The following GRIA3 variants were observed in gnomAD, a reference collection of about 807,000 sequenced individuals.
GRIA3 encodes the protein glutamate receptor 3.
A neutral mutation model predicts 63.0 loss-of-function variants in GRIA3; 3 were observed. That is an observed-to-expected ratio of 0.05 (90% CI 0.02 to 0.12). The LOEUF (loss-of-function observed/expected upper bound fraction) is 0.12. Ranked by LOEUF, GRIA3 falls within the 10% of genes least tolerant of loss-of-function variation. The pLI, the probability that GRIA3 is intolerant of heterozygous loss-of-function variation, is 1.00. For missense variants in GRIA3, 347 were observed against 700.9 expected, an observed-to-expected ratio of 0.50 and a Z score of 5.70; for synonymous variants, 274 against 257.9, an observed-to-expected ratio of 1.06 and a Z score of -0.60.
At chrX:123,280,732 G>C (rs2044581238) in intron 3 of GRIA3, among the ~76,000 whole-genome samples, 1 of 112,146 alleles carries the variant, frequency 8.9e-6, no homozygotes. Context: ...CTATACATGA[G>C]CTGAGTTCTG....
chrX:123,422,813 C>A (rs1304913148), intron 11 of GRIA3, among the ~76,000 whole-genome samples: 1 of 112,203 alleles, frequency 8.9e-6, no homozygotes, highest in African/African-American at 3.2e-5. Flanking sequence ...TCCTAAAACT[C>A]CTTGGGAATA....
chrX:123,288,607 G>T (rs183393829), intron 3 of GRIA3, among the ~76,000 whole-genome samples: 97 of 111,216 alleles, frequency 8.7e-4, no homozygotes, highest in African/African-American at 2.9e-3. Context: ...GTGGGCAAAG[G>T]ATATGAACAG....
At chrX:123,453,374 C>G (rs1238375623) in intron 12 of GRIA3, among the ~76,000 whole-genome samples, 1 of 108,443 alleles carries the variant, frequency 9.2e-6, no homozygotes, top group African/African-American at 3.4e-5. Context: ...GGGAACATCA[C>G]ACACCGGGGC....
At chrX:123,291,459 G>A (rs1331527427) in intron 3 of GRIA3, among the ~76,000 whole-genome samples, 1 of 110,655 alleles carries the variant, frequency 9.0e-6, no homozygotes, top group African/African-American at 3.3e-5. Flanking sequence ...ACTGTTGGGT[G>A]CTATGCTCAG....
At chrX:123,486,431 T>C (rs1398226274) in intron 15 of GRIA3, among the ~76,000 whole-genome samples, 1 of 111,809 alleles carries the variant, frequency 8.9e-6, no homozygotes, top group Non-Finnish European at 1.9e-5. Context: ...TATAGCCCAA[T>C]TACCTAGCAC....
At chrX:123,255,950 T>G (rs2044417439) in intron 3 of GRIA3, among the ~76,000 whole-genome samples, 1 of 111,282 alleles carries the variant, frequency 9.0e-6, no homozygotes, top group Admixed American at 9.6e-5. Flanking sequence ...TCTTCAAGAC[T>G]TGGCATGAGT....
At chrX:123,269,960 T>G (rs2044510855) in intron 3 of GRIA3, among the ~76,000 whole-genome samples, 1 of 112,661 alleles carries the variant, frequency 8.9e-6, no homozygotes, top group African/African-American at 3.2e-5. Context: ...CTTTGGAAAT[T>G]CTTGAAGTCA....
At chrX:123,263,891 C>A (rs1476538480) in intron 3 of GRIA3, among the ~76,000 whole-genome samples, 2 of 112,122 alleles carry the variant, frequency 1.8e-5, no homozygotes, top group African/African-American at 3.2e-5. Flanking sequence ...ATAAAGGAAA[C>A]TCTACTTCTC....
In GRIA3 at chrX:123,390,615, T is replaced by C. The variant is rs1012283820; in HGVS notation, c.751-4353T>C. Among the ~76,000 whole-genome samples the C allele has an allele frequency of 5.4e-5, 6 of 112,147 alleles. No homozygotes were observed. The East Asian group carries it at 8.4e-4, about 16-fold the overall frequency. On this transcript the variant is annotated intron_variant, in intron 5 of 15. Coordinates refer to ENST00000620443, the MANE Select transcript of GRIA3 (RefSeq NM_007325.5). The stretch of plus-strand genomic sequence containing the variant: ...TTGACAGTTTGACTACAATGTGCCA[T>C]GGAGAAGACCTTTATAAAGATTTAG...
intron 2 of GRIA3, among the ~76,000 whole-genome samples, chrX:123,227,972 C>T (rs1335841259): frequency 8.9e-6 from 1 of 112,068 alleles, no homozygotes; most frequent in Non-Finnish European, 1.9e-5. Flanking sequence ...GCTGTTTGAA[C>T]TTTCCGTGTT....
rs141471240 is a variant in GRIA3, at chrX:123,420,466, A to G, written c.1877+2688A>G. 1.7e-3 allele frequency among the ~76,000 whole-genome samples: 192 copies of G among 110,498 alleles called. 3 individuals are homozygous for G. The East Asian group carries it at 0.05, about 29-fold the overall frequency. On this transcript the variant is annotated intron_variant, in intron 11 of 15. Coordinates refer to ENST00000620443, the MANE Select transcript of GRIA3 (RefSeq NM_007325.5). ...CATTTTTTGTATTATCTGGGAGTTT[A>G]TTTTGCTAGTTTCTTTATTTTTTGA...
intron 3 of GRIA3, among the ~76,000 whole-genome samples, chrX:123,283,094 G>T (rs993143614): frequency 3.6e-5 from 4 of 111,464 alleles, no homozygotes; most frequent in African/African-American, 1.3e-4. Flanking sequence ...CCCACGAAAG[G>T]CGAGCCAAAG....
chrX:123,412,655 G>T (rs1157952407), intron 10 of GRIA3, among the ~76,000 whole-genome samples: 2 of 111,533 alleles, frequency 1.8e-5, no homozygotes, highest in Non-Finnish European at 3.8e-5. Context: ...TAGAAGGGAA[G>T]GGAGCTACAG....
intron 2 of GRIA3, chrX:123,202,827 A>G: frequency 9.1e-7 from 1 of 1,098,625 alleles, no homozygotes; most frequent in Non-Finnish European, 1.2e-6. Context: ...AGGAAAGGGG[A>G]AAGAATCTTG....
chrX:123,236,007 G>A lies in GRIA3; in HGVS notation c.269-17296G>A, dbSNP rs1023527173. ...AGTTCATCTGCTTTCCACACAGGAC[G>A]TTTCTTCAGCCTTTCCAGGGGCCTC... On this transcript the variant is annotated intron_variant, in intron 2 of 15. Coordinates refer to ENST00000620443, the MANE Select transcript of GRIA3 (RefSeq NM_007325.5). Among the ~76,000 whole-genome samples, 25 of 111,413 alleles carry A rather than the reference G, an allele frequency of 2.2e-4. No homozygotes were observed. In the East Asian group the frequency reaches 2.8e-3, roughly 13 times the overall value.
At chrX:123,361,722 A>G (rs1442601953) in intron 5 of GRIA3, among the ~76,000 whole-genome samples, 1 of 111,103 alleles carries the variant, frequency 9.0e-6, no homozygotes, top group Non-Finnish European at 1.9e-5. Flanking sequence ...CCTGCCTGAA[A>G]TTAACAAGGA....
intron 12 of GRIA3, among the ~76,000 whole-genome samples, chrX:123,429,896 C>T (rs2045608818): frequency 8.9e-6 from 1 of 111,928 alleles, no homozygotes; most frequent in Admixed American, 9.5e-5. Flanking sequence ...CAATAAACGG[C>T]ATCAATTCCC....
chrX:123,324,923 C>T (rs1029986179), intron 3 of GRIA3, among the ~76,000 whole-genome samples: 5 of 112,039 alleles, frequency 4.5e-5, no homozygotes, highest in African/African-American at 1.3e-4. Flanking sequence ...CAAAGGGCAT[C>T]GCAATCCTCT....
chrX:123,296,484 A>G (rs904297025), intron 3 of GRIA3, among the ~76,000 whole-genome samples: 9 of 110,443 alleles, frequency 8.1e-5, no homozygotes, highest in African/African-American at 3.0e-4. Context: ...GTTTCCTTCT[A>G]CTATTCAAGA....
Sources: gnomAD v4.1 joint callset for allele counts (sites outside exome capture counted in the v4.1 genomes callset) on GRCh38, gnomAD v4.1.1 for gene constraint, MANE v1.5 for transcripts, NCBI Gene and HGNC (gene_info 2026-07-23, HGNC 2026-07-21) for gene names.